Variants in CCDC6 observed in about 807,000 individuals in gnomAD.
CCDC6 encodes coiled-coil domain containing 6, also known as coiled-coil domain-containing protein 6.
Under a neutral mutation model 56.6 loss-of-function variants are expected in CCDC6, and 20 were observed. The ratio of observed to expected loss-of-function variants is 0.35; its 90% CI spans 0.25 to 0.51. The LOEUF (loss-of-function observed/expected upper bound fraction) is 0.51, where lower values mean the gene tolerates loss of function less well. CCDC6 is among the 20% of genes least tolerant of loss of function. The pLI, the probability that CCDC6 is intolerant of heterozygous loss-of-function variation, is 0.95. For missense variants in CCDC6, 367 were observed against 601.1 expected (o/e 0.61, Z 4.07); for synonymous variants, 241 against 234.4 (o/e 1.03, Z -0.26).
intron 1 of CCDC6, among the ~76,000 whole-genome samples, chr10:59,895,845 C>A (rs532023841): frequency 2.6e-5 from 4 of 152,110 alleles, no homozygotes; most frequent in Admixed American, 6.5e-5. Flanking sequence ...TCAGCCTGAG[C>A]GCTTTAGGCC....
rs114066561 is a variant in CCDC6 at position 59,853,103 on chromosome 10, C to T, written c.304-401G>A. Among the ~76,000 whole-genome samples the T allele has an allele frequency of 2.0e-3, 291 of 148,692 alleles. 1 individual carries two copies. Among genetic ancestry groups the T allele is most frequent in the African/African-American group, 7.1e-3 (278 of 38,946 alleles). On this transcript the variant is annotated intron_variant, in intron 1 of 8. Transcript: ENST00000263102. Reference sequence around the variant, plus strand: ...TCATGATAACTCTCACAGGTTGCTACATCTCCATGGTTTACAATTAAATAT... The same window carrying T: ...TCATGATAACTCTCACAGGTTGCTATATCTCCATGGTTTACAATTAAATAT...
chr10:59,809,593 AT>A (rs1184224062), intron 5 of CCDC6, among the ~76,000 whole-genome samples: 5 of 152,054 alleles, frequency 3.3e-5, no homozygotes, highest in Non-Finnish European at 7.4e-5. Flanking sequence ...ATTTGTTCCT[AT>A]GAGTCCTCCT....
At chr10:59,811,033 A>C (rs1397192853) in intron 5 of CCDC6, among the ~76,000 whole-genome samples, 3 of 152,168 alleles carry the variant, frequency 2.0e-5, no homozygotes, top group African/African-American at 7.2e-5. Flanking sequence ...CAGCCTCTAG[A>C]GCTGGAAAAG....
intron 1 of CCDC6, among the ~76,000 whole-genome samples, chr10:59,872,783 G>T (rs933054279): frequency 4.4e-5 from 5 of 113,186 alleles, no homozygotes; most frequent in Non-Finnish European, 8.1e-5. Flanking sequence ...TCCAGATGGG[G>T]GGGTGGGGGA....
chr10:59,792,278 T>G lies in CCDC6; in HGVS notation c.*639A>C, dbSNP rs766332307. On this transcript the variant is annotated 3_prime_UTR_variant, in exon 9 of 9. Coordinates refer to ENST00000263102, the MANE Select transcript of CCDC6 (RefSeq NM_005436.5). Reference sequence around the variant, plus strand: ...TTTATGTGGAGAAGGTACAGCCACATGATTCATTACTTTGGGCCATCTGTT... The same window carrying G: ...TTTATGTGGAGAAGGTACAGCCACAGGATTCATTACTTTGGGCCATCTGTT... 1 of 331,332 alleles carries G rather than the reference T, an allele frequency of 3.0e-6. No homozygotes were observed. 20.5% of individuals were successfully genotyped at this position (331,332 alleles called of 1,614,324 possible). A position where few individuals can be genotyped will look rare whatever the true frequency, so the allele number is the denominator to read the frequency against.
chr10:59,853,232 C>T (rs1174240734), intron 1 of CCDC6, among the ~76,000 whole-genome samples: 1 of 152,112 alleles, frequency 6.6e-6, no homozygotes, highest in Non-Finnish European at 1.5e-5. Context: ...TTTGGATATG[C>T]CATTAAAAAG....
chr10:59,893,615 AAT>A (rs2071440228), intron 1 of CCDC6, among the ~76,000 whole-genome samples: 6 of 148,644 alleles, frequency 4.0e-5, no homozygotes, highest in East Asian at 2.0e-4. Context: ...CAAACAAACA[AAT>A]ACATACATAC....
chr10:59,872,785 G>A (rs910315875), intron 1 of CCDC6, among the ~76,000 whole-genome samples: 18 of 108,352 alleles, frequency 1.7e-4, no homozygotes, highest in South Asian at 6.8e-4. Flanking sequence ...CAGATGGGGG[G>A]GTGGGGGAAG....
At position 59,882,601 on chromosome 10, in the gene CCDC6, A is replaced by AAAGCCGGGGAGAAGGAAAGCCAGGGAG. The variant is rs1413789571; in HGVS notation, c.303+23520_303+23521insCTCCCTGGCTTTCCTTCTCCCCGGCTT. The stretch of plus-strand genomic sequence containing the variant: ...GGAAAGGAAAGCCGCGGGGAGAAGG[A>AAAGCCGGGGAGAAGGAAAGCCAGGGAG]AAGGAAAGCCGGCGGGAGAAGGAAA... On this transcript the variant is annotated intron_variant, in intron 1 of 8. Coordinates refer to ENST00000263102, the MANE Select transcript of CCDC6 (RefSeq NM_005436.5). Among the ~76,000 whole-genome samples the AAAGCCGGGGAGAAGGAAAGCCAGGGAG allele has an allele frequency of 1.1e-4, 4 of 36,758 alleles. 1 individual carries two copies. The highest frequency in any genetic ancestry group is 2.5e-4 in the African/African-American group (4 of 15,828). The allele number at this position is 36,758 out of a possible 152,430, so 24.1% of individuals were successfully genotyped here. A position where few individuals can be genotyped will look rare whatever the true frequency, so the allele number is the denominator to read the frequency against.
intron 1 of CCDC6, among the ~76,000 whole-genome samples, chr10:59,885,840 C>CTTCTAAGTTTTGAAGG (rs2071378567): frequency 6.6e-6 from 1 of 151,702 alleles, no homozygotes; most frequent in Non-Finnish European, 1.5e-5. Flanking sequence ...CCAAGAAACA[C>CTTCTAAGTTTTGAAGG]ATCTTTTGAA....
At chr10:59,877,013 C>T (rs117819491) in intron 1 of CCDC6, among the ~76,000 whole-genome samples, 2,541 of 152,308 alleles carry the variant, frequency 0.017, 29 homozygotes, top group Middle Eastern at 0.044. Flanking sequence ...ATACTGAATA[C>T]TGCAGGCAAT....
In CCDC6 at chr10:59,807,044, T is replaced by C. The variant is rs1201727557; in HGVS notation, c.882A>G (p.Glu294=). 1 of 1,614,070 alleles carries C rather than the reference T, an allele frequency of 6.2e-7. No homozygotes were observed. The change falls in exon 6 of 9, where the codon GAA becomes GAG. Residue 294 remains glutamate, a synonymous_variant. Coordinates refer to ENST00000263102, the MANE Select transcript of CCDC6 (RefSeq NM_005436.5). ...SEKMAQYLEE[E]RHMREENLRL... ...TCAAGTTCTCTTCTCTCATGTGACGTTCCTCCTCCAGATACTGTGCCATTT... is the reference window on the plus strand; with the variant it reads ...TCAAGTTCTCTTCTCTCATGTGACGCTCCTCCTCCAGATACTGTGCCATTT...
At chr10:59,892,637 A>G (rs1339061715) in intron 1 of CCDC6, among the ~76,000 whole-genome samples, 1 of 151,594 alleles carries the variant, frequency 6.6e-6, no homozygotes, top group Non-Finnish European at 1.5e-5. Context: ...GGAAGTACTA[A>G]TAATAGTTAA....
intron 7 of CCDC6, among the ~76,000 whole-genome samples, chr10:59,795,940 T>C (rs1462575925): frequency 6.6e-6 from 1 of 152,156 alleles, no homozygotes; most frequent in Non-Finnish European, 1.5e-5. Context: ...TAAACATACC[T>C]GTGCATGTGT....
intron 6 of CCDC6, 188 bp from the exon 7 acceptor site, chr10:59,804,708 TC>T (rs2070605984): frequency 1.8e-6 from 1 of 545,216 alleles, no homozygotes; most frequent in South Asian, 2.0e-5. Context: ...TTGACAAACC[TC>T]ACTCCAAGGG....
intron 1 of CCDC6, among the ~76,000 whole-genome samples, chr10:59,853,994 A>G (rs1468938607): frequency 6.6e-6 from 1 of 152,186 alleles, no homozygotes; most frequent in Non-Finnish European, 1.5e-5. Context: ...AACTCTATTT[A>G]AATAACTTTT....
At chr10:59,853,893 C>A (rs577994943) in intron 1 of CCDC6, among the ~76,000 whole-genome samples, 1 of 152,166 alleles carries the variant, frequency 6.6e-6, no homozygotes, top group African/African-American at 2.4e-5. Context: ...ATAGATTAGG[C>A]TTATTATTAT....
chr10:59,805,315 G>A (rs900055761), intron 6 of CCDC6: 1 of 152,156 alleles, frequency 6.6e-6, no homozygotes, highest in Non-Finnish European at 1.5e-5. Flanking sequence ...AGACTAAGAG[G>A]CATCTTGTGG....
chr10:59,806,760 T>C (rs887643543), intron 6 of CCDC6, 162 bp downstream of exon 6: 15 of 503,380 alleles, frequency 3.0e-5, no homozygotes, highest in South Asian at 5.7e-5. Flanking sequence ...TCAATCTTTA[T>C]CCCATTCTTG....
Sources: allele counts gnomAD v4.1 joint callset (sites outside exome capture counted in the v4.1 genomes callset), GRCh38; gene constraint gnomAD v4.1.1; transcripts MANE v1.5; gene names NCBI Gene and HGNC (gene_info 2026-07-23, HGNC 2026-07-21).